The following ARHGAP6 variants were observed in gnomAD, a reference collection of about 807,000 sequenced individuals.
ARHGAP6 encodes rho GTPase-activating protein 6.
ARHGAP6 carries 16 observed loss-of-function variants against 55.7 expected under a neutral mutation model. That is an observed-to-expected ratio of 0.29 (90% CI 0.19 to 0.44). The LOEUF (loss-of-function observed/expected upper bound fraction) is 0.44, where lower values mean the gene tolerates loss of function less well. Ranked by LOEUF, ARHGAP6 falls within the 20% of genes least tolerant of loss-of-function variation. The pLI, the probability that ARHGAP6 is intolerant of heterozygous loss-of-function variation, is 1.00. For synonymous variants in ARHGAP6, 382 were observed against 360.9 expected, an observed-to-expected ratio of 1.06 and a Z score of -0.66; for missense variants, 698 against 808.9, an observed-to-expected ratio of 0.86 and a Z score of 1.66.
At chrX:11,452,806 T>G (rs1000930482) in intron 1 of ARHGAP6, among the ~76,000 whole-genome samples, 5 of 111,560 alleles carry the variant, frequency 4.5e-5, no homozygotes, top group African/African-American at 1.3e-4. Context: ...ACTGGTCCCC[T>G]GGGCTTTGTC....
intron 1 of ARHGAP6, among the ~76,000 whole-genome samples, chrX:11,425,660 G>C (rs916297122): frequency 1.8e-5 from 2 of 112,454 alleles, no homozygotes; most frequent in Non-Finnish European, 3.8e-5. Context: ...AGAGCCCCAA[G>C]AGGGGACATT....
intron 1 of ARHGAP6, among the ~76,000 whole-genome samples, chrX:11,412,248 C>T (rs1002284611): frequency 5.4e-5 from 6 of 111,868 alleles, no homozygotes; most frequent in African/African-American, 1.9e-4. Context: ...CACTTTAACA[C>T]CATGTGATAT....
intron 10 of ARHGAP6, among the ~76,000 whole-genome samples, chrX:11,152,891 A>G (rs1194107210): frequency 8.9e-6 from 1 of 111,830 alleles, no homozygotes; most frequent in Admixed American, 9.5e-5. Context: ...ATTGCAGCCT[A>G]TGAAAATGAA....
intron 1 of ARHGAP6, among the ~76,000 whole-genome samples, chrX:11,449,367 C>A (rs1412204769): frequency 8.9e-6 from 1 of 112,150 alleles, no homozygotes; most frequent in Non-Finnish European, 1.9e-5. Flanking sequence ...AATCTGACAT[C>A]CAGGCAGCCA....
intron 1 of ARHGAP6, among the ~76,000 whole-genome samples, chrX:11,591,386 TTAAA>T (rs1285783570): frequency 2.8e-5 from 3 of 108,339 alleles, no homozygotes; most frequent in East Asian, 2.8e-4. Flanking sequence ...AATTATTTAA[TTAAA>T]TAATTATTTA....
intron 1 of ARHGAP6, among the ~76,000 whole-genome samples, chrX:11,445,861 C>A (rs2050087317): frequency 9.0e-6 from 1 of 110,882 alleles, no homozygotes. Flanking sequence ...TGAATTAAAG[C>A]CAGCAGAAGC....
intron 1 of ARHGAP6, among the ~76,000 whole-genome samples, chrX:11,296,517 A>G (rs749309419): frequency 4.6e-4 from 51 of 112,053 alleles, no homozygotes; most frequent in African/African-American, 1.5e-3. Flanking sequence ...GTCTCCAGCC[A>G]TAAGGCTATA....
At chrX:11,304,889 C>A (rs1361940806) in intron 1 of ARHGAP6, among the ~76,000 whole-genome samples, 5 of 99,958 alleles carry the variant, frequency 5.0e-5, no homozygotes, top group African/African-American at 1.9e-4. Flanking sequence ...CAAATTCAAG[C>A]GATTCCCCTG....
chrX:11,186,252 C>T lies in ARHGAP6; in HGVS notation c.1257G>A (p.Gln419=). Residue 419 remains glutamine (Q), a synonymous_variant, in exon 5 of 13, where the codon CAG becomes CAA. Coordinates refer to ENST00000337414, the MANE Select transcript of ARHGAP6 (RefSeq NM_013427.3). The part of the protein sequence containing the change: ...QVPRLVDSCC[Q]HLEKHGLQTV... ...TCTACTTACCATGTTTTTCTAGGTG[C>T]TGACAGCAGCTGTCCACCAGCCTAG... 1.7e-6 allele frequency: 2 copies of T among 1,208,987 alleles called. No individual in the cohort carries two copies. Among genetic ancestry groups the T allele is most frequent in the Middle Eastern group, 4.6e-4 (2 of 4,310 alleles).
intron 1 of ARHGAP6, chrX:11,298,641 C>T (rs2048124888): frequency 1.7e-6 from 2 of 1,208,609 alleles, no homozygotes; most frequent in Non-Finnish European, 2.2e-6. Context: ...TCACACCCTG[C>T]AGCCTCATCA....
rs189616881 is a variant in ARHGAP6 at position 11,333,949 on chromosome X, C to G, written c.589-79242G>C. Among the ~76,000 whole-genome samples, 297 of 111,822 alleles carry G rather than the reference C, an allele frequency of 2.7e-3. 1 individual carries two copies. The highest frequency in any genetic ancestry group is 3.9e-3 in the Non-Finnish European group (207 of 53,160). On this transcript the variant is annotated intron_variant, in intron 1 of 12. Coordinates refer to ENST00000337414, the MANE Select transcript of ARHGAP6 (RefSeq NM_013427.3). ...GTTTTTTGGTGCTATGAGTTTCTCA[C>G]ACATGTAAACCCTTTCGGAAAAGTT...
chrX:11,211,033 TAA>T (rs933195598), intron 2 of ARHGAP6, among the ~76,000 whole-genome samples: 17 of 111,775 alleles, frequency 1.5e-4, no homozygotes, highest in African/African-American at 5.2e-4. Context: ...TTGAAAATGT[TAA>T]AAGTCTATTA....
intron 1 of ARHGAP6, among the ~76,000 whole-genome samples, chrX:11,557,666 A>G (rs1217348889): frequency 8.9e-6 from 1 of 112,178 alleles, no homozygotes; most frequent in African/African-American, 3.2e-5. Context: ...AATTATCAGG[A>G]AAAAACCCTG....
intron 1 of ARHGAP6, among the ~76,000 whole-genome samples, chrX:11,482,093 G>A (rs2050462158): frequency 8.9e-6 from 1 of 112,155 alleles, no homozygotes; most frequent in African/African-American, 3.2e-5. Flanking sequence ...CAAGGTCTAG[G>A]GGATATCTGT....
chrX:11,403,084 G>A (rs945912115), intron 1 of ARHGAP6, among the ~76,000 whole-genome samples: 8 of 111,886 alleles, frequency 7.2e-5, no homozygotes, highest in Non-Finnish European at 1.3e-4. Flanking sequence ...AGTAGAATAC[G>A]GGCAGAGAAC....
At chrX:11,218,465 T>C (rs1301147489) in intron 2 of ARHGAP6, among the ~76,000 whole-genome samples, 8 of 111,869 alleles carry the variant, frequency 7.2e-5, no homozygotes, top group Admixed American at 3.8e-4. Context: ...ATCAGGATGA[T>C]GCTGTACTCA....
At chrX:11,428,602 G>A (rs770215970) in intron 1 of ARHGAP6, among the ~76,000 whole-genome samples, 1 of 111,741 alleles carries the variant, frequency 8.9e-6, no homozygotes, top group East Asian at 2.8e-4. Context: ...CCAGAGGGGT[G>A]GCTACAAAGT....
At position 11,399,540 on chromosome X, in the gene ARHGAP6, G is replaced by A. The variant is rs772818841; in HGVS notation, c.589-144833C>T. 4.5e-5 allele frequency among the ~76,000 whole-genome samples: 5 copies of A among 111,146 alleles called. No individual in the cohort carries two copies. In the East Asian group the frequency reaches 1.4e-3, roughly 31 times the overall value. On this transcript the variant is annotated intron_variant, in intron 1 of 12. Transcript: ENST00000337414. ...GGTAAAATGTCAAAGAGGATATGGA[G>A]AAATCTGAATCCCTGTATTAAGATT...
chrX:11,510,090 T>C (rs1408828588), intron 1 of ARHGAP6, among the ~76,000 whole-genome samples: 1 of 112,127 alleles, frequency 8.9e-6, no homozygotes, highest in African/African-American at 3.2e-5. Context: ...TGTCCAAAGA[T>C]ATGTAATGTG....
Sources: allele counts gnomAD v4.1 joint callset (sites outside exome capture counted in the v4.1 genomes callset), GRCh38; gene constraint gnomAD v4.1.1; transcripts MANE v1.5; gene names NCBI Gene and HGNC (gene_info 2026-07-23, HGNC 2026-07-21).